PCNX1: variants seen among roughly 807,000 people sequenced by gnomAD.
The protein encoded by PCNX1 is pecanex 1, also known as pecanex-like protein 1.
In PCNX1, 78 loss-of-function variants were observed where a neutral mutation model predicts 242.2. The observed-to-expected ratio is 0.32, with a 90% confidence interval of 0.27 to 0.39. The LOEUF is 0.39. Among genes scored for constraint, PCNX1 ranks in the 10% least tolerant of loss-of-function variants. The pLI is 1.00. For missense variants in PCNX1, 2,581 were observed against 2,856.5 expected, an observed-to-expected ratio of 0.90 and a Z score of 2.20; for synonymous variants, 1,024 against 1,032.9, an observed-to-expected ratio of 0.99 and a Z score of 0.17.
At chr14:71,087,982 AG>A (rs1192946625) in intron 28 of PCNX1, among the ~76,000 whole-genome samples, 2 of 152,182 alleles carry the variant, frequency 1.3e-5, no homozygotes, top group African/African-American at 4.8e-5. Context: ...AAAAGAAAGA[AG>A]TAGCTAATAG....
At chr14:70,949,350 C>T (rs943053169) in intron 2 of PCNX1, among the ~76,000 whole-genome samples, 15 of 146,582 alleles carry the variant, frequency 1.0e-4, no homozygotes, top group African/African-American at 3.1e-4. Flanking sequence ...CATACACGCA[C>T]GTGCATATAT....
intron 12 of PCNX1, among the ~76,000 whole-genome samples, chr14:71,021,056 A>C (rs1189926650): frequency 1.3e-5 from 2 of 152,162 alleles, no homozygotes; most frequent in East Asian, 1.9e-4. Flanking sequence ...GGTTTGTCAA[A>C]GATCAGGTGG....
chr14:71,073,896 G>A (rs577018367), intron 27 of PCNX1, 98 bp downstream of exon 27: 72 of 795,974 alleles, frequency 9.0e-5, no homozygotes, highest in African/African-American at 6.7e-4. Flanking sequence ...TTTTTTTAAC[G>A]TATGCTTTGC....
Position 71,028,806 on chromosome 14 carries a change from A to G in PCNX1, c.3558+15A>G, listed in dbSNP as rs770787418. ...GGGCTTTAAAGGTGAGCAATAAATT[A>G]TAGTATGTTTTGTCTTTAAGGCTAT... On this transcript the variant is annotated intron_variant, in intron 16 of 35. Coordinates refer to ENST00000304743, the MANE Select transcript of PCNX1 (RefSeq NM_014982.3). The G allele has an allele frequency of 1.2e-5, 17 of 1,474,404 alleles. No individual in the cohort carries two copies. The highest frequency in any genetic ancestry group is 1.5e-5 in the Non-Finnish European group (16 of 1,067,188). The allele number at this position is 1,474,404 out of a possible 1,614,324, so 91.3% of individuals were successfully genotyped here.
chr14:71,098,509 C>CGTGTGTGT (rs3221474), intron 30 of PCNX1, among the ~76,000 whole-genome samples: 1,393 of 128,638 alleles, frequency 0.011, 18 homozygotes, highest in South Asian at 0.032. Flanking sequence ...TAGATGTATT[C>CGTGTGTGT]GTGTGTGTGT....
Position 70,907,480 on chromosome 14 carries a change from G to A in PCNX1, c.-371G>A, listed in dbSNP as rs2139953211. On this transcript the variant is annotated 5_prime_UTR_variant, in exon 1 of 36. Transcript: ENST00000304743. ...GGGCCTCTTTCTCTGCCTGGCCCAGGGCTGGCGGCCGGCGGGGGTCGCGGC... is the reference window on the plus strand; with the variant it reads ...GGGCCTCTTTCTCTGCCTGGCCCAGAGCTGGCGGCCGGCGGGGGTCGCGGC... The A allele has an allele frequency of 1.3e-5, 2 of 152,618 alleles. No homozygotes were observed. Among genetic ancestry groups the A allele is most frequent in the East Asian group, 1.9e-4 (1 of 5,172 alleles). The allele number at this position is 152,618 out of a possible 1,614,324, so 9.5% of individuals were successfully genotyped here. A position where few individuals can be genotyped will look rare whatever the true frequency, so the allele number is the denominator to read the frequency against.
rs1653219466 is a variant in PCNX1 at position 70,977,943 on chromosome 14, A to G, written c.1606A>G (p.Lys536Glu). ...DSKVRKDVGGKQKEGDVRPKS... is the reference protein window; with the variant it reads ...DSKVRKDVGGEQKEGDVRPKS... ...CAAAGTGCGTAAAGATGTTGGTGGAAAGCAAAAGGAAGGGGATGTTCGACC... is the reference window on the plus strand; with the variant it reads ...CAAAGTGCGTAAAGATGTTGGTGGAGAGCAAAAGGAAGGGGATGTTCGACC... The change falls in exon 6 of 36, where the codon AAG becomes GAG. Residue 536 changes from lysine to glutamate, a missense_variant. Lys to Glu is a moderately conservative substitution (Grantham distance 56). This residue lies in a region of PCNX1 where 1,204 missense variants were observed against 1,216.7 expected (regional missense o/e 0.99). Transcript: ENST00000304743. The G allele has an allele frequency of 4.3e-6, 7 of 1,614,150 alleles. No individual in the cohort carries two copies. The highest frequency in any genetic ancestry group is 5.9e-6 in the Non-Finnish European group (7 of 1,180,010).
intron 7 of PCNX1, among the ~76,000 whole-genome samples, chr14:70,991,837 G>T (rs567334768): frequency 3.9e-5 from 6 of 152,188 alleles, no homozygotes; most frequent in African/African-American, 1.4e-4. Flanking sequence ...TTATCTAAAA[G>T]AAATGGTAGA....
At chr14:70,912,611 T>A (rs948893415) in intron 1 of PCNX1, among the ~76,000 whole-genome samples, 3 of 151,830 alleles carry the variant, frequency 2.0e-5, no homozygotes, top group African/African-American at 7.3e-5. Context: ...CTGTATCTAG[T>A]TGCTTATCCC....
intron 33 of PCNX1, among the ~76,000 whole-genome samples, chr14:71,106,731 A>C (rs946479621): frequency 1.3e-5 from 2 of 152,098 alleles, no homozygotes; most frequent in Non-Finnish European, 2.9e-5. Flanking sequence ...GTTTTTAATG[A>C]ATTTATCAGC....
chr14:70,922,640 T>C (rs2056422733), intron 1 of PCNX1, among the ~76,000 whole-genome samples: 1 of 152,116 alleles, frequency 6.6e-6, no homozygotes, highest in Admixed American at 6.5e-5. Flanking sequence ...AATGGGATTA[T>C]ATTTGTGTTG....
At chr14:71,029,499 C>A (rs992556733) in intron 16 of PCNX1, among the ~76,000 whole-genome samples, 2 of 152,110 alleles carry the variant, frequency 1.3e-5, no homozygotes, top group African/African-American at 4.8e-5. Context: ...TATGCTAAAC[C>A]ATTTTCTGCT....
At chr14:71,055,857 G>A (rs2061169778) in intron 25 of PCNX1, among the ~76,000 whole-genome samples, 1 of 152,100 alleles carries the variant, frequency 6.6e-6, no homozygotes, top group South Asian at 2.1e-4. Context: ...AATAAAACTG[G>A]TCAGATGTTT....
At chr14:71,070,897 A>G (rs2061570441) in intron 26 of PCNX1, among the ~76,000 whole-genome samples, 1 of 152,196 alleles carries the variant, frequency 6.6e-6, no homozygotes, top group African/African-American at 2.4e-5. Flanking sequence ...CCTAGATGGC[A>G]TCTTCTTTCC....
intron 9 of PCNX1, among the ~76,000 whole-genome samples, chr14:71,010,903 T>G (rs1309328379): frequency 2.6e-5 from 4 of 152,194 alleles, no homozygotes; most frequent in Middle Eastern, 3.4e-3. Flanking sequence ...GCTCCTTTGG[T>G]CTAGTTTCAG....
chr14:70,919,833 A>G (rs950113875), intron 1 of PCNX1, among the ~76,000 whole-genome samples: 3 of 149,676 alleles, frequency 2.0e-5, no homozygotes, highest in African/African-American at 7.4e-5. Context: ...TTGCACTGTC[A>G]GTGCTAGTTG....
chr14:70,918,178 T>G (rs1168531758), intron 1 of PCNX1, among the ~76,000 whole-genome samples: 1 of 152,226 alleles, frequency 6.6e-6, no homozygotes, highest in Admixed American at 6.5e-5. Context: ...CATTTGTGTG[T>G]TCACTGGAGT....
In PCNX1 at chr14:71,076,096, A is replaced by G. The variant is rs1430826756; in HGVS notation, c.5107-93A>G. On this transcript the variant is annotated intron_variant, in intron 27 of 35. Transcript: ENST00000304743. ...AAAAAGTGTTTTACTATTTATCATT[A>G]TAAATAATTGGAATTTATTTCATTG... 4 of 757,420 alleles carry G rather than the reference A, an allele frequency of 5.3e-6. No homozygotes were observed. In the East Asian group the frequency reaches 8.0e-5, roughly 15 times the overall value. The allele number at this position is 757,420 out of a possible 1,614,324, so 46.9% of individuals were successfully genotyped here. A position where few individuals can be genotyped will look rare whatever the true frequency, so the allele number is the denominator to read the frequency against.
At chr14:70,922,159 T>C (rs1179704310) in intron 1 of PCNX1, among the ~76,000 whole-genome samples, 1 of 152,208 alleles carries the variant, frequency 6.6e-6, no homozygotes. Context: ...GTACAACTTA[T>C]ATAGTGCTTT....
Sources: gnomAD v4.1 joint callset for allele counts (sites outside exome capture counted in the v4.1 genomes callset) on GRCh38, gnomAD v4.1.1 for gene constraint, gnomAD v4.1.1 regional missense constraint, MANE v1.5 for transcripts, NCBI Gene and HGNC (gene_info 2026-07-23, HGNC 2026-07-21) for gene names.